Variants in ASAP1 observed in about 807,000 individuals in gnomAD.
The protein encoded by ASAP1 is arf-GAP with SH3 domain, ANK repeat and PH domain-containing protein 1.
ASAP1 carries 43 observed loss-of-function variants against 145.2 expected under a neutral mutation model. The ratio of observed to expected loss-of-function variants is 0.30; its 90% CI spans 0.23 to 0.38. The LOEUF is 0.38. ASAP1 is among the 10% of genes least tolerant of loss of function. The pLI is 1.00. For missense variants in ASAP1, 1,018 were observed against 1,355.3 expected, an observed-to-expected ratio of 0.75 and a Z score of 3.91; for synonymous variants, 546 against 515.5, an observed-to-expected ratio of 1.06 and a Z score of -0.80.
intron 5 of ASAP1, among the ~76,000 whole-genome samples, chr8:130,202,350 T>C (rs1022593485): frequency 1.3e-5 from 2 of 152,142 alleles, no homozygotes; most frequent in African/African-American, 4.8e-5. Flanking sequence ...CCATCTTTCC[T>C]TGTAAAATTA....
At chr8:130,130,598 A>G (rs1011097720) in intron 15 of ASAP1, among the ~76,000 whole-genome samples, 1 of 152,240 alleles carries the variant, frequency 6.6e-6, no homozygotes, top group Admixed American at 6.5e-5. Context: ...ATTGTATTTT[A>G]ATACTTTAAA....
At chr8:130,299,201 G>A (rs918206411) in intron 3 of ASAP1, among the ~76,000 whole-genome samples, 1 of 152,170 alleles carries the variant, frequency 6.6e-6, no homozygotes, top group Non-Finnish European at 1.5e-5. Context: ...AACGACAGAG[G>A]CTGTGAAGCG....
At chr8:130,342,215 T>A (rs986345570) in intron 3 of ASAP1, among the ~76,000 whole-genome samples, 1 of 152,050 alleles carries the variant, frequency 6.6e-6, no homozygotes, top group African/African-American at 2.4e-5. Flanking sequence ...TTGGCAAGGG[T>A]GGCACTCATC....
chr8:130,234,779 A>T (rs1334013600), intron 4 of ASAP1, among the ~76,000 whole-genome samples: 1 of 152,156 alleles, frequency 6.6e-6, no homozygotes, highest in Non-Finnish European at 1.5e-5. Flanking sequence ...ACAAGCATAG[A>T]GCCTCAGGTA....
intron 2 of ASAP1, among the ~76,000 whole-genome samples, chr8:130,364,326 G>T (rs1466601832): frequency 6.6e-6 from 1 of 152,218 alleles, no homozygotes; most frequent in African/African-American, 2.4e-5. Flanking sequence ...GAATAATTGT[G>T]CTTAGTATTA....
chr8:130,172,569 A>G (rs1227394118), intron 9 of ASAP1, among the ~76,000 whole-genome samples: 1 of 152,208 alleles, frequency 6.6e-6, no homozygotes, highest in African/African-American at 2.4e-5. Flanking sequence ...ATTAAAAATT[A>G]AATGAAAAAT....
intron 3 of ASAP1, among the ~76,000 whole-genome samples, chr8:130,300,193 G>A (rs1029255096): frequency 2.0e-5 from 3 of 149,476 alleles, no homozygotes; most frequent in Non-Finnish European, 4.4e-5. Flanking sequence ...GAGAGCGAGC[G>A]AGCGAGCAGT....
intron 13 of ASAP1, among the ~76,000 whole-genome samples, chr8:130,146,430 G>GGTTTA (rs2097630639): frequency 6.6e-6 from 1 of 152,060 alleles, no homozygotes; most frequent in Non-Finnish European, 1.5e-5. Context: ...TGTGAGCCTG[G>GGTTTA]GTTTAACTGG....
intron 18 of ASAP1, among the ~76,000 whole-genome samples, chr8:130,123,365 G>C (rs575117318): frequency 1.3e-5 from 2 of 152,190 alleles, no homozygotes; most frequent in Non-Finnish European, 2.9e-5. Context: ...TTTTTGCCAG[G>C]CTAAAAGGAA....
chr8:130,090,190 G>A (rs755146702), intron 25 of ASAP1, among the ~76,000 whole-genome samples: 22 of 152,198 alleles, frequency 1.4e-4, no homozygotes, highest in Non-Finnish European at 2.9e-4. Flanking sequence ...AAGCCAGAAA[G>A]CAGAAATTTG....
At chr8:130,277,612 A>C (rs1290916449) in intron 3 of ASAP1, among the ~76,000 whole-genome samples, 1 of 152,212 alleles carries the variant, frequency 6.6e-6, no homozygotes, top group East Asian at 1.9e-4. Flanking sequence ...TAATAGTCTA[A>C]ATCTAACAGG....
chr8:130,329,029 T>C (rs938467098), intron 3 of ASAP1, among the ~76,000 whole-genome samples: 3 of 152,294 alleles, frequency 2.0e-5, no homozygotes, highest in African/African-American at 4.8e-5. Context: ...TCTGCTGGAA[T>C]GGTTCCACTG....
At chr8:130,288,817 A>C (rs1448905315) in intron 3 of ASAP1, among the ~76,000 whole-genome samples, 1 of 152,238 alleles carries the variant, frequency 6.6e-6, no homozygotes, top group South Asian at 2.1e-4. Flanking sequence ...GACAAATAAC[A>C]ATGTCCAATG....
At chr8:130,438,531 T>G (rs1348097088) in intron 1 of ASAP1, among the ~76,000 whole-genome samples, 1 of 152,142 alleles carries the variant, frequency 6.6e-6, no homozygotes, top group Non-Finnish European at 1.5e-5. Context: ...GGGCAGACTC[T>G]GAAGTCAGAG....
chr8:130,140,787 C>T (rs2097608842), intron 13 of ASAP1, among the ~76,000 whole-genome samples: 2 of 152,192 alleles, frequency 1.3e-5, no homozygotes, highest in Non-Finnish European at 2.9e-5. Context: ...AAATGGCCAT[C>T]ATCCCAAATG....
rs760787804 is a variant in ASAP1 at position 130,128,037 on chromosome 8, C to T, written c.1271G>A (p.Arg424His). The change falls in exon 16 of 30, where the codon CGT becomes CAT. Residue 424 changes from arginine (R) to histidine (H), a missense_variant. Arg to His is a conservative substitution (Grantham distance 29). Coordinates refer to ENST00000518721, the MANE Select transcript of ASAP1 (RefSeq NM_018482.4). ...SKEEALTMAF[R>H]GEQSAGENSL... ...GTTCTCTCCCGCACTCTGCTCTCCA[C>T]GGAAGGCCATGGTTAGGGCCTCTTC... 1.9e-5 allele frequency: 30 copies of T among 1,613,352 alleles called. No homozygotes were observed. The highest frequency in any genetic ancestry group is 4.4e-5 in the South Asian group (4 of 91,040).
At chr8:130,118,468 A>G (rs1484425543) in intron 19 of ASAP1, 21 bp downstream of exon 19, 1 of 1,581,992 alleles carries the variant, frequency 6.3e-7, no homozygotes, top group Non-Finnish European at 8.6e-7. Flanking sequence ...TTTTTATCCA[A>G]TGATTTTAGT....
chr8:130,130,262 C>T (rs772421996), intron 15 of ASAP1, among the ~76,000 whole-genome samples: 6 of 152,160 alleles, frequency 3.9e-5, no homozygotes, highest in Non-Finnish European at 5.9e-5. Flanking sequence ...GATGAGGAAA[C>T]TGAAGTTATA....
intron 2 of ASAP1, among the ~76,000 whole-genome samples, chr8:130,401,027 C>A (rs1031704435): frequency 6.6e-6 from 1 of 151,548 alleles, no homozygotes; most frequent in African/African-American, 2.4e-5. Flanking sequence ...ATTACAGGCG[C>A]CTGCCACCAC....
Sources: gnomAD v4.1 joint callset for allele counts (sites outside exome capture counted in the v4.1 genomes callset) on GRCh38, gnomAD v4.1.1 for gene constraint, MANE v1.5 for transcripts, NCBI Gene and HGNC (gene_info 2026-07-23, HGNC 2026-07-21) for gene names.